RNASE4: variants seen among roughly 807,000 people sequenced by gnomAD.
RNASE4 encodes ribonuclease 4.
For missense variants in RNASE4, 194 were observed against 192.8 expected (o/e 1.01, Z -0.04); for synonymous variants, 93 against 71.4 (o/e 1.30, Z -1.52).
chr14:20,691,605 G>A (rs1886752035), intron 1 of RNASE4, among the ~76,000 whole-genome samples: 1 of 152,188 alleles, frequency 6.6e-6, no homozygotes, highest in South Asian at 2.1e-4. Flanking sequence ...CACACTTTCA[G>A]CATGGAATTT....
At chr14:20,692,790 C>G (rs1886837487) in intron 1 of RNASE4, among the ~76,000 whole-genome samples, 1 of 152,164 alleles carries the variant, frequency 6.6e-6, no homozygotes, top group Non-Finnish European at 1.5e-5. Context: ...TACATTGAAG[C>G]CCCCATCTTT....
At chr14:20,692,116 CTT>C (rs1886787846) in intron 1 of RNASE4, among the ~76,000 whole-genome samples, 1 of 152,208 alleles carries the variant, frequency 6.6e-6, no homozygotes, top group Admixed American at 6.5e-5. Flanking sequence ...AATTTAATGT[CTT>C]TGAAAATGTA....
chr14:20,686,620 C>G (rs1886438555), intron 1 of RNASE4, among the ~76,000 whole-genome samples: 1 of 152,164 alleles, frequency 6.6e-6, no homozygotes, highest in Non-Finnish European at 1.5e-5. Context: ...GGTTGAAAAG[C>G]AAATGTTTAA....
At chr14:20,693,050 T>C (rs1341604978) in intron 1 of RNASE4, among the ~76,000 whole-genome samples, 3 of 151,580 alleles carry the variant, frequency 2.0e-5, no homozygotes, top group South Asian at 2.1e-4. Flanking sequence ...GGTTTCACCG[T>C]GGTAGCCAGG....
intron 1 of RNASE4, chr14:20,688,626 G>T: frequency 6.7e-6 from 6 of 889,504 alleles, no homozygotes; most frequent in Non-Finnish European, 6.7e-6. Flanking sequence ...CCATTCAGGT[G>T]GGTTAATATC....
intron 1 of RNASE4, among the ~76,000 whole-genome samples, chr14:20,695,079 G>A (rs1008719173): frequency 2.0e-4 from 31 of 152,074 alleles, no homozygotes; most frequent in African/African-American, 6.8e-4. Flanking sequence ...CTAATGTCTG[G>A]CAAGTGTGAT....
At chr14:20,693,948 T>C (rs1416313322) in intron 1 of RNASE4, 1 of 1,613,994 alleles carries the variant, frequency 6.2e-7, no homozygotes, top group Non-Finnish European at 8.5e-7. Context: ...GAAACGTTGT[T>C]GTTGCTTGTG....
rs369987673 is a variant in RNASE4, at chr14:20,696,801, C to T, written c.-17-2554C>T. Among the ~76,000 whole-genome samples, 193 of 151,932 alleles carry T rather than the reference C, an allele frequency of 1.3e-3. 1 individual carries two copies. The highest frequency in any genetic ancestry group is 4.4e-3 in the African/African-American group (181 of 41,432). ...ACCCTGTGCTAGGCCTTGTTATAGGCGCTTAGATTGATTTTCTTTTCATAA... is the reference window on the plus strand; with the variant it reads ...ACCCTGTGCTAGGCCTTGTTATAGGTGCTTAGATTGATTTTCTTTTCATAA... On this transcript the variant is annotated intron_variant, in intron 1 of 1. Transcript: ENST00000555835.
At chr14:20,689,416 GA>G (rs1370845864) in intron 1 of RNASE4, among the ~76,000 whole-genome samples, 1 of 152,158 alleles carries the variant, frequency 6.6e-6, no homozygotes, top group Non-Finnish European at 1.5e-5. Flanking sequence ...TACTTTGGGG[GA>G]TTTTGCCCTA....
At chr14:20,695,394 C>CAAAAAAAA (rs552960263) in intron 1 of RNASE4, among the ~76,000 whole-genome samples, 1 of 114,680 alleles carries the variant, frequency 8.7e-6, no homozygotes, top group Non-Finnish European at 1.8e-5. Flanking sequence ...GACTCCATCT[C>CAAAAAAAA]AAAAAAAAAA....
In RNASE4 at chr14:20,699,453, G is replaced by A. The variant is rs374763160; in HGVS notation, c.82G>A (p.Gly28Ser). The change falls in exon 2 of 2, where the codon GGC (glycine) becomes AGC (serine). Residue 28 changes from glycine (G) to serine (S), a missense_variant. Gly to Ser is a moderately conservative substitution (Grantham distance 56). Coordinates refer to ENST00000555835, the MANE Select transcript of RNASE4 (RefSeq NM_002937.5). ...GCTGGGGCTGGTCCAGCCCTCCTATGGCCAGGATGGCATGTACCAGCGATT... is the reference window on the plus strand; with the variant it reads ...GCTGGGGCTGGTCCAGCCCTCCTATAGCCAGGATGGCATGTACCAGCGATT... ...LGLGLVQPSY[G>S]QDGMYQRFLR... 1.4e-5 allele frequency: 22 copies of A among 1,613,784 alleles called. No individual in the cohort carries two copies. The South Asian group carries it at 2.1e-4, about 15-fold the overall frequency.
Position 20,699,713 on chromosome 14 carries a change from T to C in RNASE4, c.342T>C (p.Ser114=). The change falls in exon 2 of 2, where the codon AGT becomes AGC. Residue 114 remains serine, a synonymous_variant. Coordinates refer to ENST00000555835, the MANE Select transcript of RNASE4 (RefSeq NM_002937.5). ...VKVTDCRDTG[S]SRAPNCRYRA... is the part of the protein sequence containing the mutation. Reference sequence around the variant, plus strand: ...TCACAGATTGCAGGGACACAGGAAGTTCCAGGGCACCCAACTGCAGATATC... The same window carrying C: ...TCACAGATTGCAGGGACACAGGAAGCTCCAGGGCACCCAACTGCAGATATC... The C allele has an allele frequency of 6.2e-7, 1 of 1,610,074 alleles. No individual in the cohort carries two copies. The highest frequency in any genetic ancestry group is 8.5e-7 in the Non-Finnish European group (1 of 1,179,996).
chr14:20,688,849 GA>G, intron 1 of RNASE4: 1 of 985,244 alleles, frequency 1.0e-6, no homozygotes, highest in East Asian at 1.1e-4. Context: ...GAAACTGCCA[GA>G]TTTTTGTAAG....
At chr14:20,698,524 T>C (rs1887167037) in intron 1 of RNASE4, among the ~76,000 whole-genome samples, 1 of 152,244 alleles carries the variant, frequency 6.6e-6, no homozygotes, top group Non-Finnish European at 1.5e-5. Context: ...ATTTGTTCAT[T>C]AGCTTACTCA....
chr14:20,693,035 G>C (rs1345092326), intron 1 of RNASE4, among the ~76,000 whole-genome samples: 2 of 151,644 alleles, frequency 1.3e-5, no homozygotes, highest in African/African-American at 4.9e-5. Flanking sequence ...TTTTAGTAGA[G>C]ACGGGGTTTC....
intron 1 of RNASE4, among the ~76,000 whole-genome samples, chr14:20,696,927 A>G (rs1459823079): frequency 6.6e-6 from 1 of 152,194 alleles, no homozygotes; most frequent in Non-Finnish European, 1.5e-5. Context: ...AGTCTTTTAG[A>G]CCACGGTGTC....
chr14:20,686,898 T>C (rs1029801570), intron 1 of RNASE4, among the ~76,000 whole-genome samples: 2 of 152,200 alleles, frequency 1.3e-5, no homozygotes, highest in Admixed American at 1.3e-4. Context: ...ATATATACTC[T>C]GTATGAAGGA....
At chr14:20,686,805 A>T (rs1886446308) in intron 1 of RNASE4, among the ~76,000 whole-genome samples, 1 of 152,238 alleles carries the variant, frequency 6.6e-6, no homozygotes, top group African/African-American at 2.4e-5. Context: ...CTAAAGTGTT[A>T]GAATAATAAA....
Position 20,699,421 on chromosome 14 carries a change from T to TGCTGGG in RNASE4, c.62_67dup (p.Gly21_Leu22dup), listed in dbSNP as rs1280924528. On this transcript the variant is annotated inframe_insertion, in exon 2 of 2. Coordinates refer to ENST00000555835, the MANE Select transcript of RNASE4 (RefSeq NM_002937.5). ...TTGCTTCTGCTTTTGCTGCTGACCC[T>TGCTGGG]GCTGGGGCTGGGGCTGGTCCAGCCC... 7 of 1,610,100 alleles carry TGCTGGG rather than the reference T, an allele frequency of 4.3e-6. No homozygotes were observed. The highest frequency in any genetic ancestry group is 1.7e-5 in the Admixed American group (1 of 59,938).
Sources: gnomAD v4.1 joint callset for allele counts (sites outside exome capture counted in the v4.1 genomes callset) on GRCh38, gnomAD v4.1.1 for gene constraint, MANE v1.5 for transcripts, NCBI Gene and HGNC (gene_info 2026-07-23, HGNC 2026-07-21) for gene names.